RPGRIP1L: variants seen among roughly 807,000 people sequenced by gnomAD.
RPGRIP1L encodes protein fantom.
RPGRIP1L carries 131 observed loss-of-function variants against 160.4 expected under a neutral mutation model. The observed-to-expected ratio is 0.82, with a 90% CI of 0.71 to 0.94. The LOEUF is 0.94. Ranked by LOEUF, RPGRIP1L falls within the 40% of genes least tolerant of loss-of-function variation. The pLI is 0.00. For synonymous variants in RPGRIP1L, 510 were observed against 515.8 expected (o/e 0.99, Z 0.15); for missense variants, 1,522 against 1,535.8 (o/e 0.99, Z 0.15).
At chr16:53,682,393 CTTG>C (rs1384847228) in intron 6 of RPGRIP1L, among the ~76,000 whole-genome samples, 1 of 152,124 alleles carries the variant, frequency 6.6e-6, no homozygotes, top group African/African-American at 2.4e-5. Context: ...GTTGGTGTCT[CTTG>C]TTGGTAATAT....
chr16:53,609,038 G>A lies in RPGRIP1L; in HGVS notation c.3701+1929C>T, dbSNP rs569486298. ...TGACATGAACATTTGTTTCTTTGGG[G>A]GGTGTTTGCAGAAACAACCATGGGA... On this transcript the variant is annotated intron_variant, in intron 25 of 26. Transcript: ENST00000647211. Among the ~76,000 whole-genome samples, 3 of 152,224 alleles carry A rather than the reference G, an allele frequency of 2.0e-5. No individual in the cohort carries two copies. In the South Asian group the frequency reaches 6.2e-4, roughly 32 times the overall value.
In RPGRIP1L at chr16:53,703,802, C is replaced by G; in HGVS notation, c.-8+1G>C. 1 of 385,342 alleles carries G rather than the reference C, an allele frequency of 2.6e-6. No homozygotes were observed. Among genetic ancestry groups the G allele is most frequent in the Non-Finnish European group, 5.0e-6 (1 of 201,646 alleles). The allele number at this position is 385,342 out of a possible 1,614,324, so 23.9% of individuals were successfully genotyped here. On this transcript the variant is annotated splice_donor_variant, in intron 1 of 26. Transcript: ENST00000647211. LOFTEE classifies it low-confidence loss of function (5UTR_SPLICE). ...CCTCCCCCATCCTCCCGGGTACTCA[C>G]CGTGCCACTGGCCCTGCAGCTAGCT...
At chr16:53,692,723 A>C (rs969325207) in intron 3 of RPGRIP1L, among the ~76,000 whole-genome samples, 2 of 152,230 alleles carry the variant, frequency 1.3e-5, no homozygotes, top group Admixed American at 6.5e-5. Flanking sequence ...GTGGTGGGTT[A>C]TATCTGCAAT....
intron 6 of RPGRIP1L, among the ~76,000 whole-genome samples, chr16:53,675,673 AC>A (rs1969099531): frequency 6.6e-6 from 1 of 152,192 alleles, no homozygotes; most frequent in South Asian, 2.1e-4. Context: ...AGCATTTTAT[AC>A]TAACAATGTC....
chr16:53,672,137 C>T (rs990161213), intron 8 of RPGRIP1L, among the ~76,000 whole-genome samples: 23 of 152,080 alleles, frequency 1.5e-4, no homozygotes, highest in African/African-American at 5.1e-4. Context: ...AGCCCATGAA[C>T]AGTATTTTCA....
intron 11 of RPGRIP1L, 111 bp downstream of exon 11, chr16:53,658,661 A>C (rs889088480): frequency 5.8e-6 from 5 of 855,472 alleles, no homozygotes; most frequent in East Asian, 2.6e-5. Context: ...TAATAAACTG[A>C]GTAATTAATA....
intron 24 of RPGRIP1L, among the ~76,000 whole-genome samples, chr16:53,613,398 C>G (rs1232276514): frequency 6.6e-6 from 1 of 151,892 alleles, no homozygotes; most frequent in Non-Finnish European, 1.5e-5. Flanking sequence ...CAGCCTCGAA[C>G]TCCTGGGCTC....
chr16:53,655,807 A>G (rs1048601599), intron 14 of RPGRIP1L, among the ~76,000 whole-genome samples: 2 of 152,218 alleles, frequency 1.3e-5, no homozygotes, highest in Admixed American at 1.3e-4. Context: ...AAGTCTAAAA[A>G]TCACTGTAAG....
chr16:53,630,550 T>C (rs952201486), intron 22 of RPGRIP1L, among the ~76,000 whole-genome samples: 2 of 152,108 alleles, frequency 1.3e-5, no homozygotes, highest in Non-Finnish European at 2.9e-5. Context: ...TAAATAAATA[T>C]AGTATAGCCA....
At chr16:53,684,487 G>T (rs1969843533) in intron 6 of RPGRIP1L, among the ~76,000 whole-genome samples, 1 of 151,532 alleles carries the variant, frequency 6.6e-6, no homozygotes, top group Non-Finnish European at 1.5e-5. Context: ...GCAAACTATC[G>T]CAAGGACAAA....
intron 25 of RPGRIP1L, among the ~76,000 whole-genome samples, chr16:53,607,712 T>G (rs1455964487): frequency 6.6e-6 from 1 of 152,170 alleles, no homozygotes; most frequent in African/African-American, 2.4e-5. Context: ...AAGAAAGCCT[T>G]CTAAATGCCA....
At chr16:53,686,700 C>T in intron 5 of RPGRIP1L, 124 bp from the exon 6 acceptor site, 1 of 831,592 alleles carries the variant, frequency 1.2e-6, no homozygotes, top group Non-Finnish European at 2.0e-6. Context: ...AGCTTAAGTG[C>T]CTCTGCACAC....
intron 14 of RPGRIP1L, chr16:53,653,361 G>T: frequency 9.4e-7 from 1 of 1,059,086 alleles, no homozygotes. Flanking sequence ...CTCTCTTTCT[G>T]CTGCCTCCTT....
intron 21 of RPGRIP1L, 140 bp downstream of exon 21, chr16:53,637,555 T>C (rs960693507): frequency 1.3e-6 from 1 of 747,398 alleles, no homozygotes; most frequent in South Asian, 1.7e-5. Flanking sequence ...GATGGAACTA[T>C]ATTCTATCAT....
intron 24 of RPGRIP1L, among the ~76,000 whole-genome samples, chr16:53,611,425 T>C (rs1223069237): frequency 3.3e-5 from 5 of 152,258 alleles, no homozygotes; most frequent in Non-Finnish European, 7.3e-5. Context: ...GTGATAATGA[T>C]AATGTATGGC....
intron 6 of RPGRIP1L, among the ~76,000 whole-genome samples, chr16:53,677,194 A>G (rs1248428681): frequency 1.3e-5 from 2 of 152,192 alleles, no homozygotes; most frequent in East Asian, 1.9e-4. Flanking sequence ...AAAAACAGTG[A>G]CAGGGCATTT....
In RPGRIP1L at chr16:53,599,768, A is replaced by G. The variant is rs1963302290; in HGVS notation, c.*2308T>C. On this transcript the variant is annotated 3_prime_UTR_variant, in exon 27 of 27. Coordinates refer to ENST00000647211, the MANE Select transcript of RPGRIP1L (RefSeq NM_015272.5). ...GTTACCACAAGATAAAACAAACAAA[A>G]TTCTCAAACAGATTATGAAACCCAA... 6.6e-6 allele frequency: 1 copy of G among 152,224 alleles called. No individual in the cohort carries two copies. The highest frequency in any genetic ancestry group is 2.4e-5 in the African/African-American group (1 of 41,462). 9.4% of individuals were successfully genotyped at this position (152,224 alleles called of 1,614,324 possible). A position where few individuals can be genotyped will look rare whatever the true frequency, so the allele number is the denominator to read the frequency against.
intron 22 of RPGRIP1L, among the ~76,000 whole-genome samples, chr16:53,634,668 C>T (rs1965723091): frequency 1.4e-5 from 2 of 140,632 alleles, no homozygotes; most frequent in Non-Finnish European, 3.1e-5. Context: ...CTCCTCCTTC[C>T]TCTCTTGCCA....
At chr16:53,609,027 G>A (rs1350996236) in intron 25 of RPGRIP1L, among the ~76,000 whole-genome samples, 1 of 152,142 alleles carries the variant, frequency 6.6e-6, no homozygotes, top group East Asian at 1.9e-4. Context: ...ATGAACATTT[G>A]TTTCTTTGGG....
Sources: allele counts gnomAD v4.1 joint callset (sites outside exome capture counted in the v4.1 genomes callset), GRCh38; gene constraint gnomAD v4.1.1; transcripts MANE v1.5; gene names NCBI Gene and HGNC (gene_info 2026-07-23, HGNC 2026-07-21).